Variants in ADGRL2 observed in about 807,000 individuals in gnomAD.
ADGRL2 encodes calcium-independent alpha-latrotoxin receptor 2.
ADGRL2 carries 44 observed loss-of-function variants against 157.4 expected under a neutral mutation model. The ratio of observed to expected loss-of-function variants is 0.28; its 90% confidence interval spans 0.22 to 0.36. ADGRL2 has a LOEUF of 0.36. ADGRL2 is among the 10% of genes least tolerant of loss of function. The pLI is 1.00. For missense variants in ADGRL2, 1,510 were observed against 1,768.9 expected (o/e 0.85, Z 2.63); for synonymous variants, 585 against 624.7 (o/e 0.94, Z 0.95).
chr1:81,599,098 A>G (rs1358763929), intron 3 of ADGRL2, among the ~76,000 whole-genome samples: 1 of 152,204 alleles, frequency 6.6e-6, no homozygotes, highest in Non-Finnish European at 1.5e-5. Flanking sequence ...GCAACAGGCC[A>G]TTATGCTACA....
intron 2 of ADGRL2, among the ~76,000 whole-genome samples, chr1:81,466,601 A>G (rs1182566011): frequency 2.6e-5 from 4 of 152,166 alleles, no homozygotes; most frequent in African/African-American, 9.7e-5. Flanking sequence ...GCAACTACCT[A>G]CATTAAAAGA....
chr1:81,333,296 C>T (rs951448317), intron 1 of ADGRL2, among the ~76,000 whole-genome samples: 3 of 152,018 alleles, frequency 2.0e-5, no homozygotes, highest in African/African-American at 2.4e-5. Flanking sequence ...GTAGAATTAC[C>T]GGAGACACCT....
chr1:81,373,897 A>C, intron 1 of ADGRL2, among the ~76,000 whole-genome samples: 1 of 152,244 alleles, frequency 6.6e-6, no homozygotes, highest in South Asian at 2.1e-4. Context: ...AACATGAAGC[A>C]ATGAACTGAA....
At chr1:81,582,872 G>A (rs1309670765) in intron 3 of ADGRL2, among the ~76,000 whole-genome samples, 3 of 152,050 alleles carry the variant, frequency 2.0e-5, no homozygotes, top group African/African-American at 7.2e-5. Flanking sequence ...AAAAGCAACA[G>A]TGGAGTGTTA....
chr1:81,825,159 A>C (rs1466618987), intron 1 of ADGRL2, among the ~76,000 whole-genome samples: 1 of 152,182 alleles, frequency 6.6e-6, no homozygotes, highest in Non-Finnish European at 1.5e-5. Context: ...AAGCCTGGAC[A>C]ACTTAGAGTC....
chr1:81,424,082 G>A (rs1192444122), intron 1 of ADGRL2, among the ~76,000 whole-genome samples: 1 of 152,110 alleles, frequency 6.6e-6, no homozygotes, highest in Non-Finnish European at 1.5e-5. Flanking sequence ...CTTCATTTCT[G>A]GAGTAAGATT....
chr1:81,448,123 CTTTTTCTTTCTTTCTTTTTTTTTTTTTTT>C (rs2077633072), intron 2 of ADGRL2, among the ~76,000 whole-genome samples: 1 of 135,204 alleles, frequency 7.4e-6, no homozygotes, highest in Non-Finnish European at 1.6e-5. Flanking sequence ...TTTTCTTTTT[CTTTTTCTTTCTTTCTTTTTTTTTTTTTTT>C]TTTTTTTTTT....
intron 2 of ADGRL2, among the ~76,000 whole-genome samples, chr1:81,455,961 A>G (rs2077796220): frequency 6.6e-6 from 1 of 152,240 alleles, no homozygotes; most frequent in African/African-American, 2.4e-5. Flanking sequence ...GAATTCTTAA[A>G]TCACCAGAAA....
intron 1 of ADGRL2, among the ~76,000 whole-genome samples, chr1:81,398,863 C>G (rs1039074863): frequency 2.0e-5 from 3 of 152,148 alleles, no homozygotes; most frequent in Non-Finnish European, 2.9e-5. Flanking sequence ...GACAACTTGA[C>G]TATAATATGC....
At chr1:81,705,336 T>C (rs1189670829) in intron 1 of ADGRL2, among the ~76,000 whole-genome samples, 1 of 152,148 alleles carries the variant, frequency 6.6e-6, no homozygotes, top group East Asian at 1.9e-4. Context: ...CAGCCCTGTG[T>C]ATTATTTTTC....
intron 2 of ADGRL2, among the ~76,000 whole-genome samples, chr1:81,893,630 A>G (rs949832257): frequency 6.6e-6 from 1 of 152,178 alleles, no homozygotes; most frequent in African/African-American, 2.4e-5. Context: ...AATGGGCTGT[A>G]GTGTGTAGGG....
At chr1:81,316,333 T>C (rs1245654027) in intron 1 of ADGRL2, among the ~76,000 whole-genome samples, 4 of 152,288 alleles carry the variant, frequency 2.6e-5, no homozygotes, top group African/African-American at 9.6e-5. Context: ...GAATAAATGG[T>C]TTGGTGAACA....
chr1:81,690,942 C>T (rs1434454297), intron 3 of ADGRL2, among the ~76,000 whole-genome samples: 1 of 152,182 alleles, frequency 6.6e-6, no homozygotes, highest in Non-Finnish European at 1.5e-5. Context: ...AAAGTCTTTA[C>T]AGAAGCACTT....
upstream of ADGRL2, among the ~76,000 whole-genome samples, chr1:81,798,295 A>G (rs2087695475): frequency 6.6e-6 from 1 of 152,124 alleles, no homozygotes; most frequent in African/African-American, 2.4e-5. Flanking sequence ...GTTTGTGGCT[A>G]ACAGCTTAAT....
intron 1 of ADGRL2, among the ~76,000 whole-genome samples, chr1:81,835,320 A>G (rs1323694396): frequency 1.3e-5 from 2 of 152,120 alleles, no homozygotes; most frequent in Non-Finnish European, 2.9e-5. Flanking sequence ...GCTTGATCAG[A>G]TCATCGAACA....
chr1:81,581,600 C>A (rs2080908362), intron 3 of ADGRL2, among the ~76,000 whole-genome samples: 1 of 152,094 alleles, frequency 6.6e-6, no homozygotes. Flanking sequence ...TTAAGGATAA[C>A]CACGACTTGA....
chr1:81,523,216 T>A (rs1361111683), intron 2 of ADGRL2, among the ~76,000 whole-genome samples: 1 of 152,150 alleles, frequency 6.6e-6, no homozygotes, highest in Non-Finnish European at 1.5e-5. Context: ...CTGTAGCTAT[T>A]ATGTCATACT....
chr1:81,851,695 A>T (rs190309104), intron 2 of ADGRL2, among the ~76,000 whole-genome samples: 1 of 150,516 alleles, frequency 6.6e-6, no homozygotes, highest in Admixed American at 6.6e-5. Flanking sequence ...AAAAATTCGT[A>T]GCTTTTTTGG....
At chr1:81,561,707 G>T (rs189459799) in intron 2 of ADGRL2, among the ~76,000 whole-genome samples, 1 of 151,836 alleles carries the variant, frequency 6.6e-6, no homozygotes, top group African/African-American at 2.4e-5. Flanking sequence ...TGATCCACCC[G>T]CCTCGGCCTC....
Sources: gnomAD v4.1 joint callset for allele counts (sites outside exome capture counted in the v4.1 genomes callset) on GRCh38, gnomAD v4.1.1 for gene constraint, MANE v1.5 for transcripts, NCBI Gene and HGNC (gene_info 2026-07-23, HGNC 2026-07-21) for gene names.